EPB41: variants seen among roughly 807,000 people sequenced by gnomAD.
EPB41 encodes protein 4.1.
EPB41 carries 65 observed loss-of-function variants against 108.0 expected under a neutral mutation model. The observed-to-expected ratio is 0.60, with a 90% confidence interval of 0.49 to 0.74. The LOEUF (loss-of-function observed/expected upper bound fraction) is 0.74, where lower values mean the gene tolerates loss of function less well. Among genes scored for constraint, EPB41 ranks in the 30% least tolerant of loss-of-function variants. EPB41 has a pLI of 0.00. For missense variants in EPB41, 875 were observed against 1,037.0 expected, an observed-to-expected ratio of 0.84 and a Z score of 2.15; for synonymous variants, 336 against 358.9, an observed-to-expected ratio of 0.94 and a Z score of 0.72.
At position 29,116,960 on chromosome 1, in the gene EPB41, A is replaced by C. The variant is rs557115351; in HGVS notation, c.*148A>C. 98 of 152,310 alleles carry C rather than the reference A, an allele frequency of 6.4e-4. No individual in the cohort carries two copies. Among genetic ancestry groups the C allele is most frequent in the African/African-American group, 1.8e-3 (76 of 41,570 alleles). The allele number at this position is 152,310 out of a possible 1,614,324, so 9.4% of individuals were successfully genotyped here. On this transcript the variant is annotated 3_prime_UTR_variant, in exon 21 of 21. Transcript: ENST00000343067. ...AAAATTAATTTCAGTTTCTATTGGG[A>C]GTTTATACCAAGAGATTCTTCTAGA...
At chr1:29,090,343 CAT>C (rs1387400259) in intron 16 of EPB41, among the ~76,000 whole-genome samples, 1 of 152,174 alleles carries the variant, frequency 6.6e-6, no homozygotes, top group Non-Finnish European at 1.5e-5. Flanking sequence ...GCCTTGATGA[CAT>C]AATCTCTGGG....
intron 17 of EPB41, among the ~76,000 whole-genome samples, chr1:29,099,664 AGAATT>A (rs1664585030): frequency 6.6e-6 from 1 of 152,238 alleles, no homozygotes. Flanking sequence ...TCAATGGACT[AGAATT>A]GATTTATGTT....
intron 4 of EPB41, among the ~76,000 whole-genome samples, chr1:28,999,252 A>C (rs1403372341): frequency 2.0e-5 from 3 of 152,086 alleles, no homozygotes; most frequent in East Asian, 1.9e-4. Flanking sequence ...CGCCTGTAGT[A>C]CCAGCTACTT....
intron 1 of EPB41, among the ~76,000 whole-genome samples, chr1:28,971,164 T>C (rs7546832): frequency 0.3 from 43,278 of 143,264 alleles, 8,091 homozygotes; most frequent in Non-Finnish European, 0.4. Context: ...AATCTTTTTT[T>C]TTTCTTTCTT....
chr1:29,105,235 C>G lies in EPB41; in HGVS notation c.2314-4101C>G, dbSNP rs548446353. On this transcript the variant is annotated intron_variant, in intron 17 of 20. Transcript: ENST00000343067. Reference sequence around the variant, plus strand: ...TACAGTAGTACACTTTTGTGTATGGCTTCTTTCTTTCTTTTTGAATTGGAG... The same window carrying G: ...TACAGTAGTACACTTTTGTGTATGGGTTCTTTCTTTCTTTTTGAATTGGAG... Among the ~76,000 whole-genome samples the G allele has an allele frequency of 6.7e-4, 102 of 152,136 alleles. 1 individual carries two copies. The South Asian group carries it at 0.014, about 20-fold the overall frequency.
chr1:28,935,904 C>T (rs932531739), intron 1 of EPB41, among the ~76,000 whole-genome samples: 1 of 143,420 alleles, frequency 7.0e-6, no homozygotes, highest in South Asian at 2.2e-4. Flanking sequence ...GGTGACAGAG[C>T]GAGACTCTGT....
chr1:28,956,813 G>A (rs1428047665), intron 1 of EPB41, among the ~76,000 whole-genome samples: 1 of 152,182 alleles, frequency 6.6e-6, no homozygotes, highest in Admixed American at 6.5e-5. Flanking sequence ...CCTTCAAAGA[G>A]CTTGCAGTCT....
intron 16 of EPB41, among the ~76,000 whole-genome samples, chr1:29,091,550 T>C (rs1287707525): frequency 6.6e-6 from 1 of 152,188 alleles, no homozygotes; most frequent in Admixed American, 6.5e-5. Flanking sequence ...GCTCTGCTCA[T>C]TGGTTGGTTG....
At chr1:28,925,421 A>G (rs916823874) in intron 1 of EPB41, among the ~76,000 whole-genome samples, 2 of 152,134 alleles carry the variant, frequency 1.3e-5, no homozygotes, top group African/African-American at 4.8e-5. Flanking sequence ...TGGAGCTTAC[A>G]TTTTAGTGGT....
intron 1 of EPB41, among the ~76,000 whole-genome samples, chr1:28,918,237 G>C (rs1157236679): frequency 6.6e-6 from 1 of 152,012 alleles, no homozygotes; most frequent in Non-Finnish European, 1.5e-5. Flanking sequence ...ATTTTTAGTA[G>C]AGACGAGGTT....
chr1:28,895,651 G>A (rs2090588111), intron 1 of EPB41, among the ~76,000 whole-genome samples: 1 of 152,022 alleles, frequency 6.6e-6, no homozygotes. Context: ...CACCATTCTT[G>A]GCTAATATTT....
At position 28,917,750 on chromosome 1, in the gene EPB41, T is replaced by A. The variant is rs189088558; in HGVS notation, c.-8+2982T>A. 2.0e-5 allele frequency among the ~76,000 whole-genome samples: 3 copies of A among 151,938 alleles called. No individual in the cohort carries two copies. The East Asian group carries it at 5.8e-4, about 29-fold the overall frequency. The stretch of plus-strand genomic sequence containing the variant: ...CGTGCACCACCATGCCCAGCTTTTT[T>A]TTTTCGTTTTTAAAACACGGGGTCC... On this transcript the variant is annotated intron_variant, in intron 1 of 20. Transcript: ENST00000343067.
intron 1 of EPB41, among the ~76,000 whole-genome samples, chr1:28,908,631 C>T (rs1450208737): frequency 6.7e-6 from 1 of 149,222 alleles, no homozygotes; most frequent in African/African-American, 2.4e-5. Context: ...AGGGTTTCAC[C>T]ATGTTGGTCA....
chr1:29,116,263 C>T (rs1182020712), intron 20 of EPB41, among the ~76,000 whole-genome samples: 1 of 151,562 alleles, frequency 6.6e-6, no homozygotes, highest in African/African-American at 2.4e-5. Flanking sequence ...GGAATTCTGC[C>T]TTAGCCTCCC....
At chr1:29,054,973 G>T (rs1645122446) in intron 12 of EPB41, among the ~76,000 whole-genome samples, 1 of 152,200 alleles carries the variant, frequency 6.6e-6, no homozygotes, top group African/African-American at 2.4e-5. Flanking sequence ...GGGAGGCAGA[G>T]GTTGCAGTGA....
chr1:29,112,662 C>T (rs1350697166), intron 19 of EPB41, among the ~76,000 whole-genome samples: 2 of 152,152 alleles, frequency 1.3e-5, no homozygotes, highest in Admixed American at 6.6e-5. Context: ...AGAACATGAG[C>T]TTTGGATTCC....
intron 16 of EPB41, chr1:29,096,645 T>C: frequency 1.0e-6 from 1 of 962,236 alleles, no homozygotes; most frequent in South Asian, 4.8e-5. Context: ...TGACTGTCTT[T>C]GGAAGAGGGC....
chr1:29,088,889 C>G (rs952245896), intron 16 of EPB41, among the ~76,000 whole-genome samples: 4 of 152,146 alleles, frequency 2.6e-5, no homozygotes, highest in Non-Finnish European at 5.9e-5. Flanking sequence ...ATGGGAAGAT[C>G]CCTTGGGCCC....
In EPB41 at chr1:28,997,311, A is replaced by G. The variant is rs770064316; in HGVS notation, c.778A>G (p.Thr260Ala). 4.4e-6 allele frequency: 7 copies of G among 1,602,632 alleles called. No homozygotes were observed. The highest frequency in any genetic ancestry group is 2.2e-5 in the East Asian group (1 of 44,832). The part of the protein sequence containing the change: ...YFGLAIWDNA[T>A]SKTWLDSAKE... ...TGGTCTAGCCATTTGGGATAACGCA[A>G]CCTCTAAGGTGAGGAGACTGCTTGC... Residue 260 changes from threonine to alanine, a missense_variant, in exon 4 of 21, where the codon ACC becomes GCC. Thr to Ala is a moderately conservative substitution (Grantham distance 58). Coordinates refer to ENST00000343067, the MANE Select transcript of EPB41 (RefSeq NM_001376013.1).
Sources: allele counts gnomAD v4.1 joint callset (sites outside exome capture counted in the v4.1 genomes callset), GRCh38; gene constraint gnomAD v4.1.1; transcripts MANE v1.5; gene names NCBI Gene and HGNC (gene_info 2026-07-23, HGNC 2026-07-21).